The following PRKN variants were observed in gnomAD, a reference collection of about 807,000 sequenced individuals.
The protein encoded by PRKN is E3 ubiquitin-protein ligase parkin.
A neutral mutation model predicts 59.5 loss-of-function variants in PRKN; 56 were observed. The ratio of observed to expected loss-of-function variants is 0.94; its 90% CI spans 0.76 to 1.18. The LOEUF (loss-of-function observed/expected upper bound fraction) is 1.18. Among genes scored for constraint, PRKN ranks in the 50% most tolerant of loss-of-function variants. The pLI is 0.00. For missense variants in PRKN, 657 were observed against 596.4 expected (o/e 1.10, Z -1.06); for synonymous variants, 250 against 222.1 (o/e 1.13, Z -1.12).
At chr6:161,862,313 G>C (rs1429332109) in intron 6 of PRKN, among the ~76,000 whole-genome samples, 1 of 152,164 alleles carries the variant, frequency 6.6e-6, no homozygotes, top group Non-Finnish European at 1.5e-5. Context: ...AGGCTTGTCG[G>C]GGATTACTCG....
In PRKN at chr6:161,467,229, T is replaced by G. The variant is rs907429493; in HGVS notation, c.1084-80352A>C. ...GAGACTTCTTCCATCTACACCCTTC[T>G]GTCTTAAGTATAATTCACTCATTCA... On this transcript the variant is annotated intron_variant, in intron 9 of 11. Coordinates refer to ENST00000366898, the MANE Select transcript of PRKN (RefSeq NM_004562.3). This position sits in a 1 kb window ranked among gnomAD's most constrained non-coding sequence, Gnocchi z 4.3. Among the ~76,000 whole-genome samples the G allele has an allele frequency of 5.9e-5, 9 of 152,248 alleles. No individual in the cohort carries two copies. The highest frequency in any genetic ancestry group is 1.3e-4 in the Admixed American group (2 of 15,288).
intron 4 of PRKN, among the ~76,000 whole-genome samples, chr6:162,057,160 A>G (rs1777901494): frequency 6.6e-6 from 1 of 152,144 alleles, no homozygotes; most frequent in Non-Finnish European, 1.5e-5. Flanking sequence ...CTCATCATTA[A>G]TATCACACCA....
intron 7 of PRKN, among the ~76,000 whole-genome samples, chr6:161,747,071 C>T (rs12198163): frequency 0.047 from 7,210 of 152,108 alleles, 244 homozygotes; most frequent in African/African-American, 0.096. Flanking sequence ...TGAGAGACTG[C>T]GGTCTGTAAA....
chr6:162,714,175 A>C (rs928164863), intron 1 of PRKN, among the ~76,000 whole-genome samples: 1 of 152,294 alleles, frequency 6.6e-6, no homozygotes, highest in Non-Finnish European at 1.5e-5. Context: ...GCCCTGCTGG[A>C]GGTGTGCTTG....
intron 7 of PRKN, among the ~76,000 whole-genome samples, chr6:161,573,747 A>ATT (rs1562534862): frequency 0.087 from 2,944 of 33,952 alleles, 232 homozygotes; most frequent in Non-Finnish European, 0.1. Flanking sequence ...AAAAAAAAAA[A>ATT]AAAAAAAAAT....
chr6:162,641,551 G>A (rs9458619), intron 1 of PRKN, among the ~76,000 whole-genome samples: 29,483 of 151,808 alleles, frequency 0.19, 3,510 homozygotes, highest in East Asian at 0.47. Flanking sequence ...AGGAACTTTG[G>A]CTCACTGAAC....
chr6:162,686,125 C>T (rs914751411), intron 1 of PRKN, among the ~76,000 whole-genome samples: 2 of 152,074 alleles, frequency 1.3e-5, no homozygotes, highest in Admixed American at 6.6e-5. Context: ...AAACATAATA[C>T]AAAATGGTGA....
At chr6:162,612,843 C>G (rs1782253707) in intron 1 of PRKN, among the ~76,000 whole-genome samples, 1 of 152,084 alleles carries the variant, frequency 6.6e-6, no homozygotes, top group South Asian at 2.1e-4. Context: ...GCTTCTGGCC[C>G]ACAGAGGGCA....
chr6:162,451,439 A>C (rs1007020098), intron 1 of PRKN, among the ~76,000 whole-genome samples: 6 of 152,002 alleles, frequency 3.9e-5, no homozygotes, highest in African/African-American at 1.4e-4. Context: ...AAATTATAAA[A>C]AGGAATCAGG....
At chr6:162,025,172 C>T (rs558469210) in intron 5 of PRKN, among the ~76,000 whole-genome samples, 15 of 151,878 alleles carry the variant, frequency 9.9e-5, no homozygotes, top group East Asian at 5.9e-4. Context: ...CCTGCCACCA[C>T]GCCTGGCTAA....
chr6:161,537,655 G>A (rs1018302865), intron 9 of PRKN, among the ~76,000 whole-genome samples: 6 of 152,064 alleles, frequency 3.9e-5, no homozygotes, highest in Admixed American at 1.3e-4. Context: ...GTTTCACCAT[G>A]TTAGCCTGGA....
At position 161,530,548 on chromosome 6, in the gene PRKN, C is replaced by G. The variant is rs371056893; in HGVS notation, c.1083+18306G>C. Reference sequence around the variant, plus strand: ...TTTTTTTTTTTGAGATGGAGTTTCACTCTTGTTGCCCAGGCTGGAGTGCAA... The same window carrying G: ...TTTTTTTTTTTGAGATGGAGTTTCAGTCTTGTTGCCCAGGCTGGAGTGCAA... On this transcript the variant is annotated intron_variant, in intron 9 of 11. Transcript: ENST00000366898. The surrounding 1 kb of genome is among the most constrained non-coding windows in gnomAD (Gnocchi z 5.0). Among the ~76,000 whole-genome samples, 2 of 150,210 alleles carry G rather than the reference C, an allele frequency of 1.3e-5. No homozygotes were observed. Among genetic ancestry groups the G allele is most frequent in the South Asian group, 4.2e-4 (2 of 4,774 alleles).
At chr6:162,602,561 G>A (rs546867765) in intron 1 of PRKN, among the ~76,000 whole-genome samples, 3 of 152,282 alleles carry the variant, frequency 2.0e-5, no homozygotes, top group South Asian at 2.1e-4. Flanking sequence ...GGGACACAGA[G>A]CGGTGTGGGA....
chr6:161,863,051 GAAC>G (rs1452689547), intron 6 of PRKN, among the ~76,000 whole-genome samples: 1 of 152,106 alleles, frequency 6.6e-6, no homozygotes, highest in African/African-American at 2.4e-5. Flanking sequence ...GTGTTCATAT[GAAC>G]AACAAAATGT....
intron 1 of PRKN, among the ~76,000 whole-genome samples, chr6:162,517,989 A>T (rs1777935657): frequency 6.6e-6 from 1 of 152,206 alleles, no homozygotes. Context: ...AGTGAATACA[A>T]TTAGTAAAAG....
chr6:161,565,570 C>A (rs990512717), intron 8 of PRKN, among the ~76,000 whole-genome samples: 10 of 152,138 alleles, frequency 6.6e-5, no homozygotes, highest in African/African-American at 2.4e-4. Flanking sequence ...CCTGCTTGCA[C>A]TTTTCTCTCC....
At chr6:162,237,711 G>T (rs1778801274) in intron 3 of PRKN, among the ~76,000 whole-genome samples, 1 of 152,040 alleles carries the variant, frequency 6.6e-6, no homozygotes, top group South Asian at 2.1e-4. Context: ...CAAAAAGGCA[G>T]TGGGTTTAGG....
chr6:162,655,275 TA>T (rs1778602904), intron 1 of PRKN, among the ~76,000 whole-genome samples: 1 of 152,188 alleles, frequency 6.6e-6, no homozygotes, highest in African/African-American at 2.4e-5. Context: ...ACAATTGGAT[TA>T]ACCCATGAGT....
chr6:161,440,569 G>T lies in PRKN; in HGVS notation c.1084-53692C>A, dbSNP rs1789161751. 6.6e-6 allele frequency among the ~76,000 whole-genome samples: 1 copy of T among 152,152 alleles called. No individual in the cohort carries two copies. The highest frequency in any genetic ancestry group is 1.5e-5 in the Non-Finnish European group (1 of 68,030). The stretch of plus-strand genomic sequence containing the variant: ...AGACACAGAGGGTTCCCTCACCAGG[G>T]GTCTGGGAGTTGCTGGAAATGGATA... On this transcript the variant is annotated intron_variant, in intron 9 of 11. Transcript: ENST00000366898. This position sits in a 1 kb window ranked among gnomAD's most constrained non-coding sequence, Gnocchi z 4.1.
Sources: gnomAD v4.1 joint callset for allele counts (sites outside exome capture counted in the v4.1 genomes callset) on GRCh38, gnomAD v4.1.1 for gene constraint, Gnocchi (gnomAD v3.1) non-coding constraint, MANE v1.5 for transcripts, NCBI Gene and HGNC (gene_info 2026-07-23, HGNC 2026-07-21) for gene names.